Variants in TOX3 observed in about 807,000 individuals in gnomAD.
TOX3 encodes the protein TOX high mobility group box family member 3.
In TOX3, 22 loss-of-function variants were observed where a neutral mutation model predicts 64.3. The ratio of observed to expected loss-of-function variants is 0.34; its 90% CI spans 0.24 to 0.49. TOX3 has a LOEUF of 0.49. TOX3 is among the 20% of genes least tolerant of loss of function. The pLI is 0.99. For missense variants in TOX3, 661 were observed against 714.4 expected, an observed-to-expected ratio of 0.93 and a Z score of 0.85; for synonymous variants, 291 against 273.6, an observed-to-expected ratio of 1.06 and a Z score of -0.63.
intron 1 of TOX3, among the ~76,000 whole-genome samples, chr16:52,533,312 C>T (rs1023406624): frequency 6.6e-5 from 10 of 152,222 alleles, no homozygotes; most frequent in African/African-American, 2.4e-4. Context: ...TCCACATCCC[C>T]ATGTGCCATT....
At chr16:52,484,237 A>C (rs1961447877) in intron 1 of TOX3, among the ~76,000 whole-genome samples, 1 of 152,216 alleles carries the variant, frequency 6.6e-6, no homozygotes, top group South Asian at 2.1e-4. Context: ...ATATTCTAGA[A>C]AGGTTTTGTG....
At chr16:52,522,766 G>A (rs1344076847) in intron 1 of TOX3, among the ~76,000 whole-genome samples, 2 of 152,190 alleles carry the variant, frequency 1.3e-5, no homozygotes, top group Non-Finnish European at 2.9e-5. Flanking sequence ...TACAATCCAA[G>A]TGTCTCTCCT....
chr16:52,519,008 C>T (rs1472783034), intron 1 of TOX3, among the ~76,000 whole-genome samples: 2 of 152,180 alleles, frequency 1.3e-5, no homozygotes, highest in Non-Finnish European at 2.9e-5. Context: ...TTAGAAGATA[C>T]AGGTAGCAAA....
intron 1 of TOX3, among the ~76,000 whole-genome samples, chr16:52,536,991 T>G (rs1962964097): frequency 6.6e-6 from 1 of 152,024 alleles, no homozygotes; most frequent in Admixed American, 6.6e-5. Context: ...ATTTAAGGGC[T>G]AACTCTCCTT....
At position 52,439,694 on chromosome 16, in the gene TOX3, G is replaced by A. The variant is rs751494331; in HGVS notation, c.1262C>T (p.Thr421Met). The change falls in exon 7 of 7, where the codon ACG becomes ATG. Residue 421 changes from threonine (T) to methionine (M), a missense_variant. This residue lies in a region of TOX3 where 299 missense variants were observed against 292.1 expected (regional missense o/e 1.02). Transcript: ENST00000219746. ...IGAPLISSMG[T>M]TMVGSAPSTQ... The stretch of plus-strand genomic sequence containing the variant: ...GGAGGGTGCTGAGCCAACCATGGTC[G>A]TTCCCATGGAGCTTATCAGTGGAGC... The A allele has an allele frequency of 2.6e-5, 42 of 1,613,880 alleles. 1 individual carries two copies. Among genetic ancestry groups the A allele is most frequent in the East Asian group, 4.5e-5 (2 of 44,888 alleles).
At chr16:52,523,766 G>T (rs1016812146) in intron 1 of TOX3, among the ~76,000 whole-genome samples, 6 of 151,914 alleles carry the variant, frequency 3.9e-5, no homozygotes, top group South Asian at 2.1e-4. Context: ...CACCATAAAA[G>T]AACCCTGAAT....
chr16:52,543,358 T>G (rs1439621821), intron 1 of TOX3, among the ~76,000 whole-genome samples: 3 of 152,234 alleles, frequency 2.0e-5, no homozygotes, highest in Non-Finnish European at 4.4e-5. Flanking sequence ...TTCCTTTGAC[T>G]GTCACATCAG....
intron 3 of TOX3, among the ~76,000 whole-genome samples, chr16:52,459,145 GTC>G (rs534004683): frequency 7.0e-4 from 107 of 152,132 alleles, no homozygotes; most frequent in African/African-American, 2.6e-3. Context: ...GCAAGGCCCT[GTC>G]TCTATAATAA....
chr16:52,526,349 T>A (rs1183332768), intron 1 of TOX3, among the ~76,000 whole-genome samples: 1 of 152,152 alleles, frequency 6.6e-6, no homozygotes, highest in Non-Finnish European at 1.5e-5. Context: ...CTTACATACA[T>A]AATGAATTGG....
chr16:52,439,909 C>A lies in TOX3; in HGVS notation c.1047G>T (p.Ser349=). 6.2e-7 allele frequency: 1 copy of A among 1,608,578 alleles called. No homozygotes were observed. Among genetic ancestry groups the A allele is most frequent in the South Asian group, 1.1e-5 (1 of 89,928 alleles). ...GAAGGAGAGAGGATGTTAGATTGGT[C>A]GACGCCAGGGTCTGCTGAACAGAAC... The part of the protein sequence containing the change: ...TIRSVQQTLA[S]TNLTSSLLLN... The change falls in exon 7 of 7, where the codon TCG becomes TCT. Residue 349 remains serine, a synonymous_variant. Coordinates refer to ENST00000219746, the MANE Select transcript of TOX3 (RefSeq NM_001080430.4).
chr16:52,490,682 T>G (rs1961658200), intron 1 of TOX3, among the ~76,000 whole-genome samples: 1 of 132,818 alleles, frequency 7.5e-6, no homozygotes, highest in Non-Finnish European at 1.5e-5. Flanking sequence ...CAGGCTGGAG[T>G]GCAGTGGCAT....
chr16:52,540,089 A>T (rs1338586459), intron 1 of TOX3, among the ~76,000 whole-genome samples: 1 of 151,782 alleles, frequency 6.6e-6, no homozygotes, highest in Non-Finnish European at 1.5e-5. Flanking sequence ...TCCACTTAAA[A>T]TTTTTCAGGC....
rs949684629 is a variant in TOX3, at chr16:52,531,456, C to A, written c.87+15181G>T. Among the ~76,000 whole-genome samples the A allele has an allele frequency of 3.3e-5, 5 of 152,126 alleles. No homozygotes were observed. The South Asian group carries it at 1.0e-3, about 32-fold the overall frequency. ...GTTCAATGTCAAGTTGAGGACATAG[C>A]AATTTACCCTGCAGGCCAGTGTTCC... On this transcript the variant is annotated intron_variant, in intron 1 of 6. Transcript: ENST00000219746.
chr16:52,528,910 C>A (rs1295535957), intron 1 of TOX3, among the ~76,000 whole-genome samples: 1 of 152,208 alleles, frequency 6.6e-6, no homozygotes, highest in East Asian at 1.9e-4. Context: ...CTAAAATGGC[C>A]ACTTTCTCAA....
intron 1 of TOX3, among the ~76,000 whole-genome samples, chr16:52,516,623 T>C (rs576624557): frequency 1.3e-5 from 2 of 152,358 alleles, no homozygotes; most frequent in African/African-American, 4.8e-5. Flanking sequence ...AAATCAGATA[T>C]ATGCTACCCA....
At chr16:52,454,619 A>G (rs577482687) in intron 3 of TOX3, among the ~76,000 whole-genome samples, 79 of 152,332 alleles carry the variant, frequency 5.2e-4, no homozygotes, top group African/African-American at 1.9e-3. Context: ...AACAGCTCCA[A>G]TCATTTTCCA....
intron 1 of TOX3, among the ~76,000 whole-genome samples, chr16:52,487,190 C>A (rs1186537256): frequency 6.6e-6 from 1 of 151,818 alleles, no homozygotes; most frequent in Non-Finnish European, 1.5e-5. Flanking sequence ...GGGATGACAA[C>A]AGTTGTACAA....
intron 1 of TOX3, among the ~76,000 whole-genome samples, chr16:52,512,728 C>T (rs1031359872): frequency 2.0e-5 from 3 of 151,984 alleles, no homozygotes; most frequent in Non-Finnish European, 4.4e-5. Context: ...TGACAAGGAG[C>T]TGGCATTACA....
chr16:52,537,933 G>A (rs1360112049), intron 1 of TOX3, among the ~76,000 whole-genome samples: 3 of 148,906 alleles, frequency 2.0e-5, no homozygotes, highest in South Asian at 2.2e-4. Context: ...TGAAAGCAGA[G>A]CTAATATAAG....
Sources: gnomAD v4.1 joint callset for allele counts (sites outside exome capture counted in the v4.1 genomes callset) on GRCh38, gnomAD v4.1.1 for gene constraint, gnomAD v4.1.1 regional missense constraint, MANE v1.5 for transcripts, NCBI Gene and HGNC (gene_info 2026-07-23, HGNC 2026-07-21) for gene names.